PEAK1: variants seen among roughly 807,000 people sequenced by gnomAD.
PEAK1 encodes inactive tyrosine-protein kinase PEAK1.
Under a neutral mutation model 124.7 loss-of-function variants are expected in PEAK1, and 54 were observed. The observed-to-expected ratio is 0.43, with a 90% CI of 0.35 to 0.54. The LOEUF (loss-of-function observed/expected upper bound fraction) is 0.54, where lower values mean the gene tolerates loss of function less well. Ranked by LOEUF, PEAK1 falls within the 20% of genes least tolerant of loss-of-function variation. The pLI, the probability that PEAK1 is intolerant of heterozygous loss-of-function variation, is 0.01. For synonymous variants in PEAK1, 719 were observed against 760.0 expected (o/e 0.95, Z 0.89); for missense variants, 2,046 against 2,134.5 (o/e 0.96, Z 0.82).
chr15:77,416,147 T>C (rs554952167), intron 1 of PEAK1, among the ~76,000 whole-genome samples: 29 of 152,332 alleles, frequency 1.9e-4, no homozygotes, highest in African/African-American at 5.8e-4. Flanking sequence ...GGAGGCAGGA[T>C]ACAGTGTTGA....
intron 6 of PEAK1, among the ~76,000 whole-genome samples, chr15:77,223,885 G>A (rs2059505055): frequency 8.7e-6 from 1 of 115,586 alleles, no homozygotes; most frequent in Non-Finnish European, 1.9e-5. Flanking sequence ...TCATTTGAGA[G>A]ATTTTTTTTT....
At chr15:77,389,066 G>A (rs570478520) in intron 1 of PEAK1, among the ~76,000 whole-genome samples, 2 of 149,620 alleles carry the variant, frequency 1.3e-5, no homozygotes, top group African/African-American at 4.9e-5. Context: ...GGGCTTAAAC[G>A]ATCCTCCCAC....
chr15:77,197,482 A>G (rs910962625), intron 6 of PEAK1, among the ~76,000 whole-genome samples: 3 of 152,216 alleles, frequency 2.0e-5, no homozygotes, highest in Non-Finnish European at 4.4e-5. Context: ...TAATCTTTTG[A>G]AAGTTTCTGT....
intron 5 of PEAK1, among the ~76,000 whole-genome samples, chr15:77,283,247 T>C (rs1185482802): frequency 1.3e-5 from 2 of 152,194 alleles, no homozygotes; most frequent in South Asian, 4.1e-4. Flanking sequence ...TCCTTTGCTG[T>C]TTTCCTTATT....
rs114368343 is a variant in PEAK1, at chr15:77,227,096, G to A, written c.-115+25271C>T. 3.8e-3 allele frequency among the ~76,000 whole-genome samples: 574 copies of A among 152,338 alleles called. 5 individuals are homozygous for A. The highest frequency in any genetic ancestry group is 0.014 in the African/African-American group (564 of 41,590). Reference sequence around the variant, plus strand: ...ATAGATCCTAAGCCAGCAGGTCTGAGAGGGGGCTCAAACATCTGAAACAGT... The same window carrying A: ...ATAGATCCTAAGCCAGCAGGTCTGAAAGGGGGCTCAAACATCTGAAACAGT... On this transcript the variant is annotated intron_variant, in intron 6 of 9. Transcript: ENST00000682557.
chr15:77,283,459 A>G (rs2062771105), intron 5 of PEAK1, among the ~76,000 whole-genome samples: 1 of 152,150 alleles, frequency 6.6e-6, no homozygotes, highest in Admixed American at 6.5e-5. Context: ...AATTTAGAAA[A>G]AAAAATTGTA....
chr15:77,114,813 C>G lies in PEAK1; in HGVS notation c.4584G>C (p.Gln1528His). The change falls in exon 10 of 10, where the codon CAG becomes CAC. Residue 1528 changes from glutamine (Q) to histidine (H), a missense_variant. By Grantham distance (24) the Gln-to-His change is conservative. Coordinates refer to ENST00000682557, the MANE Select transcript of PEAK1 (RefSeq NM_001385026.1). ...CAAAGCCTTGGGCAGTCCCCCCAGG[C>G]TGGTAGTGGACAAGTAGCAGGTTCT... ...RLENLLLVHY[Q>H]PGGTAQGFGP... is the part of the protein sequence containing the mutation. The G allele has an allele frequency of 6.2e-7, 1 of 1,613,332 alleles. No individual in the cohort carries two copies. Among genetic ancestry groups the G allele is most frequent in the Non-Finnish European group, 8.5e-7 (1 of 1,179,934 alleles).
intron 2 of PEAK1, among the ~76,000 whole-genome samples, chr15:77,318,475 G>C (rs1037934463): frequency 2.6e-5 from 4 of 152,092 alleles, no homozygotes; most frequent in African/African-American, 9.7e-5. Flanking sequence ...AGTAGTAAAT[G>C]TGTGGGAAGA....
intron 2 of PEAK1, among the ~76,000 whole-genome samples, chr15:77,339,414 T>A (rs2066402328): frequency 6.6e-6 from 1 of 152,228 alleles, no homozygotes; most frequent in South Asian, 2.1e-4. Flanking sequence ...ATACAGGTCA[T>A]TATATTAGTG....
chr15:77,114,333 G>A lies in PEAK1; in HGVS notation c.5064C>T (p.Asn1688=). The change falls in exon 10 of 10, where the codon AAC becomes AAT. Residue 1688 remains asparagine, a synonymous_variant. Transcript: ENST00000682557. ...FTACPSLVQR[N]TLLQNWLDIK... ...TGTCTAGCCAGTTTTGGAGCAGGGT[G>A]TTCCTCTGTACTAGGCTAGGGCAGG... The A allele has an allele frequency of 6.2e-7, 1 of 1,614,200 alleles. No individual in the cohort carries two copies. Among genetic ancestry groups the A allele is most frequent in the Non-Finnish European group, 8.5e-7 (1 of 1,180,038 alleles).
At chr15:77,390,313 G>C (rs2070347996) in intron 1 of PEAK1, among the ~76,000 whole-genome samples, 1 of 152,162 alleles carries the variant, frequency 6.6e-6, no homozygotes, top group South Asian at 2.1e-4. Flanking sequence ...ATCCAGAGCA[G>C]CAATTCTGGA....
chr15:77,358,186 A>G (rs1181214043), intron 2 of PEAK1, among the ~76,000 whole-genome samples: 1 of 151,794 alleles, frequency 6.6e-6, no homozygotes, highest in African/African-American at 2.4e-5. Flanking sequence ...TACTTCCACA[A>G]TTTTGCTCTT....
At chr15:77,336,510 G>T in intron 2 of PEAK1, 1 of 985,296 alleles carries the variant, frequency 1.0e-6, no homozygotes, top group Non-Finnish European at 1.2e-6. Context: ...CAGCTCTTCA[G>T]TTGCTTGTTG....
At chr15:77,402,659 CAT>C (rs2071472304) in intron 1 of PEAK1, 1 of 985,154 alleles carries the variant, frequency 1.0e-6, no homozygotes, top group Non-Finnish European at 1.2e-6. Context: ...CAACTACTCC[CAT>C]AGTGTATCGT....
At position 77,256,912 on chromosome 15, in the gene PEAK1, T is replaced by C. The variant is rs192468373; in HGVS notation, c.-274-4386A>G. 1.1e-3 allele frequency among the ~76,000 whole-genome samples: 158 copies of C among 148,984 alleles called. 1 individual carries two copies. Among genetic ancestry groups the C allele is most frequent in the Non-Finnish European group, 1.8e-3 (122 of 67,404 alleles). ...CCACAACAGTCCCCAGAGTGTGATG[T>C]TCCCCTTCCTGTGTCCATGTGTTCT... On this transcript the variant is annotated intron_variant, in intron 5 of 9. Coordinates refer to ENST00000682557, the MANE Select transcript of PEAK1 (RefSeq NM_001385026.1).
intron 2 of PEAK1, among the ~76,000 whole-genome samples, chr15:77,341,279 C>T (rs2066514049): frequency 6.6e-6 from 1 of 152,002 alleles, no homozygotes; most frequent in Admixed American, 6.6e-5. Flanking sequence ...GCGGGTGGAT[C>T]ATCTGAGGTC....
At chr15:77,347,871 A>G (rs1225140389) in intron 2 of PEAK1, 1 of 984,172 alleles carries the variant, frequency 1.0e-6, no homozygotes, top group Admixed American at 6.2e-5. Flanking sequence ...TGCTACATTT[A>G]AAAATAAAAT....
At chr15:77,286,311 C>T (rs909725941) in intron 3 of PEAK1, 112 bp downstream of exon 3, 2 of 513,132 alleles carry the variant, frequency 3.9e-6, no homozygotes, top group African/African-American at 4.0e-5. Flanking sequence ...CTCCATACTA[C>T]TATGGCAAGG....
chr15:77,306,246 AAGAG>A (rs1178022338), intron 2 of PEAK1, among the ~76,000 whole-genome samples: 226 of 148,618 alleles, frequency 1.5e-3, no homozygotes, highest in African/African-American at 5.7e-3. Context: ...ATTAGTCAGG[AAGAG>A]TTTAAAGGAC....
Sources: allele counts gnomAD v4.1 joint callset (sites outside exome capture counted in the v4.1 genomes callset), GRCh38; gene constraint gnomAD v4.1.1; transcripts MANE v1.5; gene names NCBI Gene and HGNC (gene_info 2026-07-23, HGNC 2026-07-21).